Variants in TADA2A observed in about 807,000 individuals in gnomAD.
TADA2A encodes the protein transcriptional adaptor 2A.
In TADA2A, 38 loss-of-function variants were observed where a neutral mutation model predicts 67.4. The ratio of observed to expected loss-of-function variants is 0.56; its 90% CI spans 0.44 to 0.74. TADA2A has a LOEUF of 0.74. Ranked by LOEUF, TADA2A falls within the 30% of genes least tolerant of loss-of-function variation. TADA2A has a pLI of 0.00. For synonymous variants in TADA2A, 192 were observed against 181.6 expected (o/e 1.06, Z -0.46); for missense variants, 454 against 547.0 (o/e 0.83, Z 1.70).
intron 4 of TADA2A, among the ~76,000 whole-genome samples, chr17:37,437,178 G>A (rs1352486914): frequency 2.3e-5 from 3 of 128,688 alleles, no homozygotes; most frequent in East Asian, 2.6e-4. Context: ...CTCCGCCTCC[G>A]CCTCCTGGGT....
chr17:37,411,351 G>T lies in TADA2A; in HGVS notation c.-15G>T, dbSNP rs140453764. ...GCTGAGGAAGACCAAAGCAGCACTC[G>T]TTGCCAATTAGGGAATGGACCGTTT... On this transcript the variant is annotated 5_prime_UTR_variant, in exon 2 of 16. Coordinates refer to ENST00000615182, the MANE Select transcript of TADA2A (RefSeq NM_001166105.3). The T allele has an allele frequency of 1.9e-6, 3 of 1,613,770 alleles. No individual in the cohort carries two copies. Among genetic ancestry groups the T allele is most frequent in the Non-Finnish European group, 2.5e-6 (3 of 1,179,808 alleles).
At chr17:37,463,275 TTG>T (rs2053588891) in intron 10 of TADA2A, among the ~76,000 whole-genome samples, 1 of 152,068 alleles carries the variant, frequency 6.6e-6, no homozygotes. Flanking sequence ...TTTGTAATAG[TTG>T]TGTGTCATAA....
intron 10 of TADA2A, among the ~76,000 whole-genome samples, chr17:37,463,229 T>C (rs1199519460): frequency 3.3e-5 from 5 of 152,184 alleles, no homozygotes; most frequent in Admixed American, 2.6e-4. Context: ...AGAAGGATGA[T>C]GTCATAATAA....
intron 3 of TADA2A, among the ~76,000 whole-genome samples, chr17:37,424,339 G>A (rs1475940624): frequency 1.3e-4 from 19 of 151,762 alleles, no homozygotes; most frequent in Non-Finnish European, 2.5e-4. Context: ...AGCTACTTGG[G>A]AGGCTGAGGC....
intron 2 of TADA2A, among the ~76,000 whole-genome samples, chr17:37,417,970 C>T (rs931362351): frequency 1.3e-5 from 2 of 152,056 alleles, no homozygotes; most frequent in African/African-American, 4.8e-5. Flanking sequence ...GACATAATTA[C>T]AATAGAAGAC....
rs746120872 is a variant in TADA2A at position 37,467,419 on chromosome 17, G to A, written c.824-35G>A. 4 of 1,589,030 alleles carry A rather than the reference G, an allele frequency of 2.5e-6. No homozygotes were observed. The South Asian group carries it at 4.5e-5, about 18-fold the overall frequency. ...GCTCACTAATGTTGCTTTTGTTTTT[G>A]TAATTTTTTCCTTCATTCCTTTTGG... is the stretch of plus-strand genomic sequence containing the variant. On this transcript the variant is annotated intron_variant, in intron 11 of 15. Coordinates refer to ENST00000615182, the MANE Select transcript of TADA2A (RefSeq NM_001166105.3).
At chr17:37,423,273 A>C (rs2052301096) in intron 2 of TADA2A, among the ~76,000 whole-genome samples, 1 of 152,168 alleles carries the variant, frequency 6.6e-6, no homozygotes, top group African/African-American at 2.4e-5. Context: ...TATGCTTGTA[A>C]ATTTCTCTGC....
chr17:37,454,693 C>A, intron 8 of TADA2A: 2 of 335,204 alleles, frequency 6.0e-6, no homozygotes, highest in Non-Finnish European at 1.2e-5. Flanking sequence ...AGAAAAGAAC[C>A]TGCTGAGCAG....
At chr17:37,465,569 A>AT in intron 11 of TADA2A, 28 bp downstream of exon 11, 1 of 1,613,728 alleles carries the variant, frequency 6.2e-7, no homozygotes, top group Admixed American at 1.7e-5. Context: ...CTTGAGCAGT[A>AT]TTTGTGTGTG....
At chr17:37,414,896 CTTT>C (rs796198437) in intron 2 of TADA2A, among the ~76,000 whole-genome samples, 2 of 136,906 alleles carry the variant, frequency 1.5e-5, no homozygotes, top group African/African-American at 2.6e-5. Context: ...TTTCTTTTCT[CTTT>C]TTTTTTTTTT....
At chr17:37,422,735 C>T (rs1203480341) in intron 2 of TADA2A, among the ~76,000 whole-genome samples, 2 of 152,082 alleles carry the variant, frequency 1.3e-5, no homozygotes, top group Admixed American at 1.3e-4. Flanking sequence ...CTTCTGGCCT[C>T]AGGTAATGCA....
intron 6 of TADA2A, among the ~76,000 whole-genome samples, chr17:37,442,283 C>T (rs2052945099): frequency 6.7e-6 from 1 of 149,204 alleles, no homozygotes; most frequent in Non-Finnish European, 1.5e-5. Flanking sequence ...GAGCCGAAGC[C>T]AACGGTAAAT....
chr17:37,428,051 C>G (rs1443469964), intron 4 of TADA2A, among the ~76,000 whole-genome samples: 3 of 152,154 alleles, frequency 2.0e-5, no homozygotes, highest in African/African-American at 7.2e-5. Flanking sequence ...CTACTTCAAG[C>G]AGTTTTCTGA....
chr17:37,429,970 G>C (rs1597871474), intron 4 of TADA2A, among the ~76,000 whole-genome samples: 1 of 152,148 alleles, frequency 6.6e-6, no homozygotes, highest in South Asian at 2.1e-4. Context: ...TCAGAAAGCT[G>C]GTTTATTTTT....
chr17:37,465,002 C>T (rs1487552732), intron 10 of TADA2A, among the ~76,000 whole-genome samples: 1 of 151,346 alleles, frequency 6.6e-6, no homozygotes, highest in African/African-American at 2.4e-5. Flanking sequence ...CAAAAATTAG[C>T]TGGGTGTAGT....
intron 9 of TADA2A, 62 bp downstream of exon 9, chr17:37,458,649 GTGTGTGTGTGTGTGTGTGTGTGTGTC>G: frequency 9.1e-7 from 1 of 1,102,742 alleles, no homozygotes; most frequent in South Asian, 1.5e-5. Context: ...GTGTGTGTGT[GTGTGTGTGTGTGTGTGTGTGTGTGTC>G]TGTGTCTGTG....
At chr17:37,444,259 C>CA (rs5820215) in intron 7 of TADA2A, among the ~76,000 whole-genome samples, 72,687 of 132,026 alleles carry the variant, frequency 0.55, 20,247 homozygotes, top group Middle Eastern at 0.67. Flanking sequence ...ACCCTGTTTC[C>CA]AAAAAAAAAA....
At chr17:37,451,592 G>C (rs1186063811) in intron 8 of TADA2A, among the ~76,000 whole-genome samples, 1 of 152,104 alleles carries the variant, frequency 6.6e-6, no homozygotes, top group Admixed American at 6.5e-5. Flanking sequence ...AAAGTGCTGG[G>C]ATTACAGGTG....
intron 2 of TADA2A, among the ~76,000 whole-genome samples, chr17:37,422,076 G>T (rs144012031): frequency 0.72 from 100,288 of 139,662 alleles, 40,110 homozygotes; most frequent in East Asian, 0.96. Flanking sequence ...GACAGAGTAA[G>T]ACTCTGTCGC....
Sources: allele counts gnomAD v4.1 joint callset (sites outside exome capture counted in the v4.1 genomes callset), GRCh38; gene constraint gnomAD v4.1.1; transcripts MANE v1.5; gene names NCBI Gene and HGNC (gene_info 2026-07-23, HGNC 2026-07-21).